The following EGFR variants were observed in gnomAD, a reference collection of about 807,000 sequenced individuals.
The protein encoded by EGFR is epidermal growth factor receptor.
A neutral mutation model predicts 143.0 loss-of-function variants in EGFR; 58 were observed. That is an observed-to-expected ratio of 0.41 (90% CI 0.33 to 0.50). The LOEUF is 0.50. Ranked by LOEUF, EGFR falls within the 20% of genes least tolerant of loss-of-function variation. The pLI, the probability that EGFR is intolerant of heterozygous loss-of-function variation, is 0.39. For missense variants in EGFR, 1,307 were observed against 1,579.0 expected (o/e 0.83, Z 2.92); for synonymous variants, 613 against 594.4 (o/e 1.03, Z -0.45).
Position 55,156,364 on chromosome 7 carries a change from G to A in EGFR, c.1007-169G>A, listed in dbSNP as rs41395746. Among the ~76,000 whole-genome samples, 1,357 of 152,268 alleles carry A rather than the reference G, an allele frequency of 8.9e-3. 21 individuals carry two copies. Among genetic ancestry groups the A allele is most frequent in the African/African-American group, 0.03 (1,259 of 41,542 alleles). On this transcript the variant is annotated intron_variant, in intron 8 of 27. Transcript: ENST00000275493. ...ATAGGTCCTGGTGTCCCCCCTTCCC[G>A]CCTGCACTCTCCCCAGCCCCTTCAG...
At chr7:55,069,028 A>T (rs1789675525) in intron 1 of EGFR, among the ~76,000 whole-genome samples, 1 of 152,226 alleles carries the variant, frequency 6.6e-6, no homozygotes, top group Admixed American at 6.5e-5. Flanking sequence ...CCATTTCTTC[A>T]GAGAAAAGTC....
intron 19 of EGFR, 90 bp downstream of exon 19, chr7:55,174,910 C>CT (rs1175675437): frequency 1.1e-5 from 11 of 990,038 alleles, no homozygotes; most frequent in Non-Finnish European, 1.8e-5. Flanking sequence ...GCTCTAGACC[C>CT]TGCTCATCTC....
At chr7:55,205,235 C>G (rs1192421361) in intron 27 of EGFR, 21 bp from the exon 28 acceptor site, 1 of 1,613,750 alleles carries the variant, frequency 6.2e-7, no homozygotes, top group Non-Finnish European at 8.5e-7. Flanking sequence ...TACTTCACCT[C>G]TGATTTCTTT....
At chr7:55,172,147 C>T (rs187551633) in intron 16 of EGFR, among the ~76,000 whole-genome samples, 25 of 152,332 alleles carry the variant, frequency 1.6e-4, no homozygotes, top group African/African-American at 2.4e-5. Flanking sequence ...ACCATGTCTC[C>T]ACCTGGAAAC....
At chr7:55,201,381 C>G (rs1218492708) in intron 25 of EGFR, 26 bp downstream of exon 25, 1 of 1,614,076 alleles carries the variant, frequency 6.2e-7, no homozygotes, top group Non-Finnish European at 8.5e-7. Flanking sequence ...CTCTCTCTCT[C>G]TCTCAAGCTG....
chr7:55,177,764 G>A (rs2128956197), intron 19 of EGFR, among the ~76,000 whole-genome samples: 1 of 152,362 alleles, frequency 6.6e-6, no homozygotes, highest in African/African-American at 2.4e-5. Context: ...AGCCATGGGG[G>A]CTCCAACTGT....
intron 7 of EGFR, 74 bp from the exon 8 acceptor site, chr7:55,155,756 A>G: frequency 8.8e-7 from 1 of 1,139,368 alleles, no homozygotes; most frequent in Non-Finnish European, 1.3e-6. Context: ...CCTCAAGAGG[A>G]CCTGGACCGC....
At chr7:55,111,409 G>C (rs1471714633) in intron 1 of EGFR, among the ~76,000 whole-genome samples, 1 of 150,426 alleles carries the variant, frequency 6.6e-6, no homozygotes, top group Non-Finnish European at 1.5e-5. Flanking sequence ...TTATTTATTA[G>C]ACTTGGATTC....
At chr7:55,163,659 T>C in intron 13 of EGFR, 74 bp from the exon 14 acceptor site, 1 of 1,313,286 alleles carries the variant, frequency 7.6e-7, no homozygotes, top group East Asian at 2.3e-5. Flanking sequence ...TATTTGGAAT[T>C]TTGAAGAGGT....
rs138558554 is a variant in EGFR, at chr7:55,037,113, G to A, written c.88+17748G>A. 4.1e-3 allele frequency among the ~76,000 whole-genome samples: 624 copies of A among 152,316 alleles called. 2 individuals carry two copies. Among genetic ancestry groups the A allele is most frequent in the Non-Finnish European group, 6.6e-3 (449 of 68,034 alleles). ...CTGATCCTTACACTAATTGTATTAT[G>A]CAACCATAAATGATGTCTGCTGTAC... On this transcript the variant is annotated intron_variant, in intron 1 of 27. Transcript: ENST00000275493.
At chr7:55,195,673 T>C (rs1010176753) in intron 22 of EGFR, among the ~76,000 whole-genome samples, 9 of 152,104 alleles carry the variant, frequency 5.9e-5, no homozygotes, top group African/African-American at 2.2e-4. Context: ...CCTCCTCCCA[T>C]CCTCCACCGT....
At chr7:55,174,843 G>A (rs758591111) in intron 19 of EGFR, 23 bp downstream of exon 19, 2 of 1,597,540 alleles carry the variant, frequency 1.3e-6, no homozygotes, top group Non-Finnish European at 1.7e-6. Context: ...TTTGCTGTGT[G>A]GGGGTCCATG....
intron 15 of EGFR, chr7:55,168,708 T>C (rs1213593178): frequency 2.5e-5 from 23 of 903,530 alleles, no homozygotes; most frequent in Non-Finnish European, 3.4e-5. Context: ...TTTAGATGAG[T>C]ATATAGTTTG....
intron 1 of EGFR, among the ~76,000 whole-genome samples, chr7:55,069,968 G>A (rs1045672204): frequency 6.6e-6 from 1 of 152,074 alleles, no homozygotes; most frequent in African/African-American, 2.4e-5. Flanking sequence ...AAGCCTTCAG[G>A]AATACATCAT....
chr7:55,190,515 C>CA (rs369572261), intron 20 of EGFR, among the ~76,000 whole-genome samples: 1,854 of 145,670 alleles, frequency 0.013, 29 homozygotes, highest in African/African-American at 0.038. Flanking sequence ...AATATTCATG[C>CA]AAAAAAAAAA....
chr7:55,114,739 T>C lies in EGFR; in HGVS notation c.89-27547T>C, dbSNP rs7804404. On this transcript the variant is annotated intron_variant, in intron 1 of 27. Coordinates refer to ENST00000275493, the MANE Select transcript of EGFR (RefSeq NM_005228.5). ...ATGTCCAATGGACTTAAAGTATTAA[T>C]CAATGTGTTTATGTTTTGTTATTTT... Among the ~76,000 whole-genome samples, 820 of 152,248 alleles carry C rather than the reference T, an allele frequency of 5.4e-3. 9 individuals are homozygous for C. Among genetic ancestry groups the C allele is most frequent in the African/African-American group, 0.019 (791 of 41,552 alleles).
intron 1 of EGFR, among the ~76,000 whole-genome samples, chr7:55,116,912 A>T (rs1427793377): frequency 6.6e-6 from 1 of 152,236 alleles, no homozygotes; most frequent in Non-Finnish European, 1.5e-5. Flanking sequence ...GCCAATGGAC[A>T]TATGGGTTCT....
intron 1 of EGFR, among the ~76,000 whole-genome samples, chr7:55,055,742 A>T (rs13231202): frequency 5.5e-5 from 6 of 109,656 alleles, no homozygotes; most frequent in Admixed American, 3.7e-4. Flanking sequence ...CACACACACC[A>T]CACACACCAG....
At chr7:55,020,424 C>T (rs960610384) in intron 1 of EGFR, among the ~76,000 whole-genome samples, 1 of 152,384 alleles carries the variant, frequency 6.6e-6, no homozygotes, top group Middle Eastern at 3.4e-3. Flanking sequence ...AAGCAGAGCT[C>T]ATCCTGGCCA....
Sources: gnomAD v4.1 joint callset for allele counts (sites outside exome capture counted in the v4.1 genomes callset) on GRCh38, gnomAD v4.1.1 for gene constraint, MANE v1.5 for transcripts, NCBI Gene and HGNC (gene_info 2026-07-23, HGNC 2026-07-21) for gene names.